Variants in GABRG3 observed in about 807,000 individuals in gnomAD.
GABRG3 encodes the protein gamma-aminobutyric acid receptor subunit gamma-3.
GABRG3 carries 25 observed loss-of-function variants against 48.8 expected under a neutral mutation model. That is an observed-to-expected ratio of 0.51 (90% CI 0.37 to 0.72). The LOEUF (loss-of-function observed/expected upper bound fraction) is 0.72, where lower values mean the gene tolerates loss of function less well. Among genes scored for constraint, GABRG3 ranks in the 30% least tolerant of loss-of-function variants. The pLI, the probability that GABRG3 is intolerant of heterozygous loss-of-function variation, is 0.00. For synonymous variants in GABRG3, 227 were observed against 217.6 expected (o/e 1.04, Z -0.38); for missense variants, 394 against 577.9 (o/e 0.68, Z 3.26).
At chr15:27,249,642 G>A (rs1890392732) in intron 3 of GABRG3, among the ~76,000 whole-genome samples, 1 of 152,128 alleles carries the variant, frequency 6.6e-6, no homozygotes, top group African/African-American at 2.4e-5. Flanking sequence ...CCTCAACAGT[G>A]TGACAGAGTG....
At chr15:27,113,738 C>T (rs1897594277) in intron 3 of GABRG3, among the ~76,000 whole-genome samples, 1 of 152,128 alleles carries the variant, frequency 6.6e-6, no homozygotes, top group African/African-American at 2.4e-5. Context: ...TAAAATCTGA[C>T]CTAGAACATA....
At chr15:27,129,338 T>A (rs953298932) in intron 3 of GABRG3, among the ~76,000 whole-genome samples, 1 of 152,226 alleles carries the variant, frequency 6.6e-6, no homozygotes, top group African/African-American at 2.4e-5. Flanking sequence ...TTTAATTACA[T>A]TTAGCATTAA....
At chr15:27,071,137 C>T (rs1001090731) in intron 3 of GABRG3, among the ~76,000 whole-genome samples, 1 of 152,190 alleles carries the variant, frequency 6.6e-6, no homozygotes, top group South Asian at 2.1e-4. Flanking sequence ...AAGTGGGAGG[C>T]GTCCTGTGTG....
intron 3 of GABRG3, among the ~76,000 whole-genome samples, chr15:27,140,377 C>A (rs914881565): frequency 2.0e-5 from 3 of 152,142 alleles, no homozygotes; most frequent in South Asian, 2.1e-4. Flanking sequence ...GGGGAGAAAT[C>A]CCTACACGTT....
At chr15:27,413,372 A>C (rs978132425) in intron 5 of GABRG3, among the ~76,000 whole-genome samples, 11 of 152,064 alleles carry the variant, frequency 7.2e-5, no homozygotes, top group Non-Finnish European at 1.2e-4. Flanking sequence ...TTAGAGTAAA[A>C]CAAACTTCAC....
chr15:27,269,161 G>A (rs1204202361), intron 3 of GABRG3, among the ~76,000 whole-genome samples: 1 of 152,028 alleles, frequency 6.6e-6, no homozygotes, highest in Non-Finnish European at 1.5e-5. Flanking sequence ...CCTCTCCACT[G>A]CCCCCTAACC....
chr15:27,474,524 C>T (rs984365346), intron 5 of GABRG3, among the ~76,000 whole-genome samples: 1 of 152,052 alleles, frequency 6.6e-6, no homozygotes, highest in Non-Finnish European at 1.5e-5. Context: ...TTGGAAGGGC[C>T]CCTGCAAGCA....
chr15:27,310,109 GA>G (rs1207758971), intron 3 of GABRG3, among the ~76,000 whole-genome samples: 3 of 151,980 alleles, frequency 2.0e-5, no homozygotes, highest in African/African-American at 7.2e-5. Flanking sequence ...CCCTCCCAAC[GA>G]AAAGAATCCA....
intron 5 of GABRG3, among the ~76,000 whole-genome samples, chr15:27,374,124 CCTTTTCTTTT>C (rs1319391791): frequency 1.8e-3 from 268 of 144,964 alleles, no homozygotes; most frequent in African/African-American, 6.2e-3. Context: ...AATTTTCTTT[CCTTTTCTTTT>C]CTTCTTTTTT....
At chr15:27,223,516 A>G (rs1800945578) in intron 3 of GABRG3, among the ~76,000 whole-genome samples, 1 of 150,730 alleles carries the variant, frequency 6.6e-6, no homozygotes, top group Admixed American at 6.6e-5. Context: ...TATGTGGGAC[A>G]CTTGGGCCAG....
chr15:27,317,191 C>T (rs769382410), intron 3 of GABRG3, among the ~76,000 whole-genome samples: 2 of 152,146 alleles, frequency 1.3e-5, no homozygotes, highest in African/African-American at 4.8e-5. Context: ...TGTTTCTGTG[C>T]TCTTAGCCTG....
rs190164730 is a variant in GABRG3, at chr15:27,267,167, C to T, written c.271-59642C>T. On this transcript the variant is annotated intron_variant, in intron 3 of 9. Coordinates refer to ENST00000615808, the MANE Select transcript of GABRG3 (RefSeq NM_033223.5). The stretch of plus-strand genomic sequence containing the variant: ...TGTTGCCCAGGCTGGAGTGCAATGG[C>T]GTGATCTTGGCCCGCTGCAACCTCC... 3.8e-3 allele frequency among the ~76,000 whole-genome samples: 530 copies of T among 140,518 alleles called. 6 individuals are homozygous for T. The highest frequency in any genetic ancestry group is 0.013 in the African/African-American group (484 of 37,218). 92.2% of individuals were successfully genotyped at this position (140,518 alleles called of 152,430 possible). A position where few individuals can be genotyped will look rare whatever the true frequency, so the allele number is the denominator to read the frequency against.
At chr15:27,393,274 G>A (rs1566821361) in intron 5 of GABRG3, among the ~76,000 whole-genome samples, 1 of 151,616 alleles carries the variant, frequency 6.6e-6, no homozygotes, top group African/African-American at 2.4e-5. Context: ...AACCCGGGAG[G>A]TGGAGCTTGC....
At chr15:27,242,692 G>A (rs1445544132) in intron 3 of GABRG3, among the ~76,000 whole-genome samples, 1 of 152,214 alleles carries the variant, frequency 6.6e-6, no homozygotes, top group African/African-American at 2.4e-5. Context: ...TGATTTGACA[G>A]AGTAGGATGA....
intron 4 of GABRG3, among the ~76,000 whole-genome samples, chr15:27,327,831 C>T (rs893605535): frequency 1.3e-5 from 2 of 152,132 alleles, no homozygotes; most frequent in African/African-American, 4.8e-5. Context: ...TGCTTTGTGG[C>T]TGCATCTCCC....
At chr15:27,453,687 C>G (rs950627010) in intron 5 of GABRG3, among the ~76,000 whole-genome samples, 1 of 152,156 alleles carries the variant, frequency 6.6e-6, no homozygotes, top group Non-Finnish European at 1.5e-5. Context: ...CTGCAACCTC[C>G]ACCTCCCAGA....
At chr15:27,207,652 C>T (rs1478080317) in intron 3 of GABRG3, among the ~76,000 whole-genome samples, 3 of 152,300 alleles carry the variant, frequency 2.0e-5, no homozygotes, top group East Asian at 1.9e-4. Context: ...TGGGGGACAC[C>T]AGGGGGGCAC....
intron 2 of GABRG3, among the ~76,000 whole-genome samples, chr15:26,992,440 A>G (rs550706840): frequency 1.3e-5 from 2 of 152,222 alleles, no homozygotes; most frequent in South Asian, 4.1e-4. Context: ...TCATGTAGTG[A>G]TATTAAACTT....
chr15:27,378,406 G>C (rs373869018), intron 5 of GABRG3, among the ~76,000 whole-genome samples: 1 of 152,112 alleles, frequency 6.6e-6, no homozygotes, highest in African/African-American at 2.4e-5. Context: ...CTCTTACTTA[G>C]ATAATCAGGA....
Sources: gnomAD v4.1 joint callset for allele counts (sites outside exome capture counted in the v4.1 genomes callset) on GRCh38, gnomAD v4.1.1 for gene constraint, MANE v1.5 for transcripts, NCBI Gene and HGNC (gene_info 2026-07-23, HGNC 2026-07-21) for gene names.